Variants in TAF8 observed in about 807,000 individuals in gnomAD.
The protein encoded by TAF8 is TATA-box binding protein associated factor 8, also known as transcription initiation factor TFIID subunit 8.
TAF8 carries 47 observed loss-of-function variants against 36.5 expected under a neutral mutation model. That is an observed-to-expected ratio of 1.29 (90% CI 1.02 to 1.64). The LOEUF is 1.64. Among genes scored for constraint, TAF8 ranks in the 40% most tolerant of loss-of-function variants. TAF8 has a pLI of 0.00. For synonymous variants in TAF8, 175 were observed against 159.5 expected, an observed-to-expected ratio of 1.10 and a Z score of -0.73; for missense variants, 420 against 407.6, an observed-to-expected ratio of 1.03 and a Z score of -0.26.
intron 8 of TAF8, 138 bp from the exon 9 acceptor site, chr6:42,077,395 G>T (rs758544704): frequency 1.7e-5 from 26 of 1,529,956 alleles, no homozygotes; most frequent in Non-Finnish European, 2.2e-5. Flanking sequence ...CTTGGCTCCC[G>T]TACATAGCTC....
At chr6:42,064,894 TTG>T (rs529971300) in intron 5 of TAF8, among the ~76,000 whole-genome samples, 105,668 of 143,356 alleles carry the variant, frequency 0.74, 38,996 homozygotes, top group East Asian at 0.82. Context: ...GGGGCGGAGC[TTG>T]CAGTGAGCAG....
rs1049640920 is a variant in TAF8 at position 42,078,498 on chromosome 6, C to T, written c.*953C>T. Reference sequence around the variant, plus strand: ...TTGAGCTGATGAAAAGTTCTTTGTACTCCCTCAACGTGTCGGAAACAGGAG... The same window carrying T: ...TTGAGCTGATGAAAAGTTCTTTGTATTCCCTCAACGTGTCGGAAACAGGAG... On this transcript the variant is annotated 3_prime_UTR_variant, in exon 9 of 9. Coordinates refer to ENST00000372977, the MANE Select transcript of TAF8 (RefSeq NM_138572.3). 9 of 985,370 alleles carry T rather than the reference C, an allele frequency of 9.1e-6. No individual in the cohort carries two copies. In the African/African-American group the frequency reaches 1.4e-4, roughly 15 times the overall value. The allele number at this position is 985,370 out of a possible 1,614,324, so 61.0% of individuals were successfully genotyped here. A position where few individuals can be genotyped will look rare whatever the true frequency, so the allele number is the denominator to read the frequency against.
At chr6:42,058,545 C>T (rs897782200) in intron 5 of TAF8, among the ~76,000 whole-genome samples, 2 of 149,070 alleles carry the variant, frequency 1.3e-5, no homozygotes, top group South Asian at 2.1e-4. Context: ...TCCCACACTT[C>T]CTTTGCTTCT....
intron 6 of TAF8, among the ~76,000 whole-genome samples, chr6:42,067,229 G>GT (rs1765395558): frequency 6.6e-6 from 1 of 152,128 alleles, no homozygotes; most frequent in African/African-American, 2.4e-5. Flanking sequence ...GTTTTTGTGG[G>GT]TTTTTTTGAG....
chr6:42,056,059 G>C (rs767836609), intron 4 of TAF8, 45 bp downstream of exon 4: 8 of 1,277,022 alleles, frequency 6.3e-6, no homozygotes, highest in East Asian at 2.3e-5. Flanking sequence ...TTCAATTAAT[G>C]CTTGTGGAAT....
chr6:42,074,216 C>T (rs924649149), intron 7 of TAF8, among the ~76,000 whole-genome samples: 1 of 152,292 alleles, frequency 6.6e-6, no homozygotes. Context: ...ATGGGAGGGA[C>T]TGAGAAGCGC....
At chr6:42,050,956 C>T in intron 1 of TAF8, 1 of 1,110,910 alleles carries the variant, frequency 9.0e-7, no homozygotes, top group Non-Finnish European at 1.1e-6. Flanking sequence ...CTCGCGGTCA[C>T]CTCTTGTTAC....
At chr6:42,056,531 G>A (rs1293305271) in intron 4 of TAF8, among the ~76,000 whole-genome samples, 2 of 151,974 alleles carry the variant, frequency 1.3e-5, no homozygotes, top group Admixed American at 6.5e-5. Context: ...AAGTAAACCT[G>A]GGTGCCATAA....
At chr6:42,051,677 T>A (rs1764796668) in intron 2 of TAF8, 164 bp downstream of exon 2, 1 of 698,738 alleles carries the variant, frequency 1.4e-6, no homozygotes, top group Admixed American at 3.1e-5. Flanking sequence ...AACAGCACAA[T>A]GGGCCGAGCG....
chr6:42,069,855 A>G (rs1334296136), intron 7 of TAF8, among the ~76,000 whole-genome samples: 2 of 151,150 alleles, frequency 1.3e-5, no homozygotes, highest in Admixed American at 6.6e-5. Flanking sequence ...TAGAGCTTGA[A>G]GAGATGAGGA....
At chr6:42,071,029 C>T (rs72855245) in intron 7 of TAF8, among the ~76,000 whole-genome samples, 5,279 of 152,220 alleles carry the variant, frequency 0.035, 109 homozygotes, top group South Asian at 0.062. Flanking sequence ...ATAAGAGCCC[C>T]CTCTTGTTCC....
intron 5 of TAF8, 66 bp downstream of exon 5, chr6:42,057,579 C>T (rs767172644): frequency 4.4e-6 from 7 of 1,591,190 alleles, no homozygotes; most frequent in South Asian, 3.4e-5. Context: ...CTGACTGTCA[C>T]GTGGCAGAGT....
intron 2 of TAF8, among the ~76,000 whole-genome samples, chr6:42,054,763 C>T (rs1169196325): frequency 6.6e-6 from 1 of 151,918 alleles, no homozygotes; most frequent in Non-Finnish European, 1.5e-5. Flanking sequence ...TGCCACCTCA[C>T]CTGGCTAATT....
intron 5 of TAF8, among the ~76,000 whole-genome samples, chr6:42,064,784 G>A (rs561773336): frequency 6.4e-4 from 96 of 150,714 alleles, no homozygotes; most frequent in Non-Finnish European, 1.2e-3. Flanking sequence ...AGTGAAACCC[G>A]TCTCTACTAA....
rs1764779468 is a variant in TAF8 at position 42,051,400 on chromosome 6, A to G, written c.89A>G (p.His30Arg). The change falls in exon 2 of 9, where the codon CAT (histidine) becomes CGT (arginine). Residue 30 changes from histidine (H) to arginine (R), a missense_variant. Transcript: ENST00000372977. Reference sequence around the variant, plus strand: ...TCCACTAACCCTGCCGATAACTATCATCTGGCCCGGAGGAGAACCCTGCAG... The same window carrying G: ...TCCACTAACCCTGCCGATAACTATCGTCTGGCCCGGAGGAGAACCCTGCAG... ...KQSTNPADNY[H>R]LARRRTLQVV... is the part of the protein sequence containing the mutation. 1 of 1,614,190 alleles carries G rather than the reference A, an allele frequency of 6.2e-7. No homozygotes were observed. The highest frequency in any genetic ancestry group is 8.5e-7 in the Non-Finnish European group (1 of 1,180,024).
intron 5 of TAF8, among the ~76,000 whole-genome samples, chr6:42,058,223 A>G (rs778064037): frequency 6.6e-5 from 10 of 152,156 alleles, no homozygotes; most frequent in Non-Finnish European, 1.2e-4. Context: ...ATCTCTACTA[A>G]AATTACAAAA....
At chr6:42,051,000 A>C in intron 1 of TAF8, 1 of 1,086,454 alleles carries the variant, frequency 9.2e-7, no homozygotes. Flanking sequence ...AAATGGTGTG[A>C]AGATGGGAGG....
At chr6:42,070,023 G>A (rs1290488593) in intron 7 of TAF8, among the ~76,000 whole-genome samples, 2 of 152,140 alleles carry the variant, frequency 1.3e-5, no homozygotes, top group Non-Finnish European at 2.9e-5. Context: ...ATCTGGCAGT[G>A]TGGATGTCAT....
Position 42,078,678 on chromosome 6 carries a change from A to G in TAF8, c.*1133A>G, listed in dbSNP as rs1156522709. 1 of 985,266 alleles carries G rather than the reference A, an allele frequency of 1.0e-6. No homozygotes were observed. The highest frequency in any genetic ancestry group is 1.2e-6 in the Non-Finnish European group (1 of 829,926). 61.0% of individuals were successfully genotyped at this position (985,266 alleles called of 1,614,324 possible). On this transcript the variant is annotated 3_prime_UTR_variant, in exon 9 of 9. Transcript: ENST00000372977. ...AGCGGGGCAGCACTCTCCTCCTGAG[A>G]GATTTACCATTTATTGCCCCTGTGA...
Sources: gnomAD v4.1 joint callset for allele counts (sites outside exome capture counted in the v4.1 genomes callset) on GRCh38, gnomAD v4.1.1 for gene constraint, MANE v1.5 for transcripts, NCBI Gene and HGNC (gene_info 2026-07-23, HGNC 2026-07-21) for gene names.